AKAP11: variants seen among roughly 807,000 people sequenced by gnomAD.
AKAP11 encodes A-kinase anchoring protein 11.
In AKAP11, 36 loss-of-function variants were observed where a neutral mutation model predicts 146.1. The observed-to-expected ratio is 0.25, with a 90% CI of 0.19 to 0.33. The LOEUF is 0.33. Among genes scored for constraint, AKAP11 ranks in the 10% least tolerant of loss-of-function variants. The probability of loss-of-function intolerance (pLI) is 1.00; values close to 1 mark genes in which losing one functional copy is unlikely to be tolerated. For synonymous variants in AKAP11, 780 were observed against 786.5 expected, an observed-to-expected ratio of 0.99 and a Z score of 0.14; for missense variants, 2,201 against 2,197.0, an observed-to-expected ratio of 1.00 and a Z score of -0.04.
At chr13:42,288,627 C>T (rs1959183487) in intron 3 of AKAP11, among the ~76,000 whole-genome samples, 1 of 152,190 alleles carries the variant, frequency 6.6e-6, no homozygotes, top group Admixed American at 6.5e-5. Context: ...TTTTATAGTT[C>T]ACTCTGCCCC....
At position 42,301,131 on chromosome 13, in the gene AKAP11, A is replaced by C; in HGVS notation, c.2385A>C (p.Ser795=). The C allele has an allele frequency of 6.2e-7, 1 of 1,614,070 alleles. No individual in the cohort carries two copies. Among genetic ancestry groups the C allele is most frequent in the Non-Finnish European group, 8.5e-7 (1 of 1,179,952 alleles). ...AGSALLPYHI[S]STACQAKAHL... is the part of the protein sequence containing the mutation. Reference sequence around the variant, plus strand: ...GTGCCCTTCTCCCATATCATATTTCATCTACTGCATGTCAGGCCAAGGCTC... The same window carrying C: ...GTGCCCTTCTCCCATATCATATTTCCTCTACTGCATGTCAGGCCAAGGCTC... The change falls in exon 8 of 13, where the codon TCA becomes TCC. Residue 795 remains serine (S), a synonymous_variant. Coordinates refer to ENST00000025301, the MANE Select transcript of AKAP11 (RefSeq NM_016248.4).
intron 1 of AKAP11, among the ~76,000 whole-genome samples, chr13:42,275,010 C>CT (rs1051659106): frequency 2.4e-4 from 36 of 152,268 alleles, no homozygotes; most frequent in African/African-American, 8.4e-4. Flanking sequence ...TTTGAGGATT[C>CT]TTTGATTGCA....
intron 1 of AKAP11, among the ~76,000 whole-genome samples, chr13:42,279,214 A>AAT (rs1366691639): frequency 1.2e-5 from 1 of 80,558 alleles, no homozygotes. Context: ...TTTGTCTTCA[A>AAT]ATTTTTTTTT....
chr13:42,312,264 G>A (rs923119366), intron 9 of AKAP11, among the ~76,000 whole-genome samples: 7 of 152,046 alleles, frequency 4.6e-5, no homozygotes, highest in African/African-American at 1.7e-4. Flanking sequence ...TTCTGAACAT[G>A]GTTGCTTTTT....
intron 7 of AKAP11, among the ~76,000 whole-genome samples, 194 bp downstream of exon 7, chr13:42,298,991 C>G (rs879435039): frequency 2.6e-5 from 4 of 151,980 alleles, no homozygotes; most frequent in Non-Finnish European, 4.4e-5. Flanking sequence ...TTCAGTTTTG[C>G]TTATTTCAGG....
intron 1 of AKAP11, among the ~76,000 whole-genome samples, chr13:42,277,766 G>A: frequency 6.6e-6 from 1 of 152,144 alleles, no homozygotes; most frequent in African/African-American, 2.4e-5. Context: ...TTATGAGTAA[G>A]GCCTTTGGGG....
chr13:42,294,283 A>G (rs1338382444), intron 4 of AKAP11, among the ~76,000 whole-genome samples: 2 of 152,186 alleles, frequency 1.3e-5, no homozygotes, highest in Non-Finnish European at 2.9e-5. Context: ...TGCTTAGTGG[A>G]CAGTTTACTA....
rs764042048 is a variant in AKAP11, at chr13:42,308,587, A to G, written c.5251A>G (p.Ser1751Gly). The change falls in exon 9 of 13, where the codon AGT (serine) becomes GGT (glycine). Residue 1751 changes from serine (S) to glycine (G), a missense_variant. Ser to Gly is a moderately conservative substitution (Grantham distance 56, BLOSUM62 0). Transcript: ENST00000025301. ...AGATGAACACCAAGATGAAAGCAGC[A>G]GTTTTCATCATCTAAGTGAAAGGTA... ...FEDEHQDESS[S>G]FHHLSESNGN... 7.4e-6 allele frequency: 12 copies of G among 1,612,494 alleles called. No individual in the cohort carries two copies. In the African/African-American group the frequency reaches 1.3e-4, roughly 18 times the overall value.
chr13:42,315,281 C>T (rs1229676842), intron 11 of AKAP11, among the ~76,000 whole-genome samples: 4 of 152,146 alleles, frequency 2.6e-5, no homozygotes, highest in Admixed American at 2.0e-4. Context: ...TGTAAGTAGA[C>T]ATTCTTTATA....
At chr13:42,318,131 G>A (rs1014041427) in intron 12 of AKAP11, among the ~76,000 whole-genome samples, 1 of 152,142 alleles carries the variant, frequency 6.6e-6, no homozygotes, top group Non-Finnish European at 1.5e-5. Context: ...TCATTTGTAT[G>A]AGCAGCTGTC....
At chr13:42,283,877 G>A (rs972049296) in intron 1 of AKAP11, among the ~76,000 whole-genome samples, 4 of 152,134 alleles carry the variant, frequency 2.6e-5, no homozygotes, top group African/African-American at 4.8e-5. Context: ...CTGCCATGGC[G>A]TCATTGTGGG....
intron 5 of AKAP11, among the ~76,000 whole-genome samples, chr13:42,296,014 AT>A: frequency 6.6e-6 from 1 of 152,220 alleles, no homozygotes; most frequent in Non-Finnish European, 1.5e-5. Flanking sequence ...CAATGCAAAA[AT>A]TTAGCCTGTT....
chr13:42,286,454 T>C, intron 3 of AKAP11, 55 bp downstream of exon 3: 1 of 1,405,482 alleles, frequency 7.1e-7, no homozygotes, highest in South Asian at 1.3e-5. Context: ...AAATGTTGAT[T>C]TTTTTTTAAG....
At chr13:42,315,815 A>T (rs1366489402) in intron 11 of AKAP11, among the ~76,000 whole-genome samples, 1 of 152,238 alleles carries the variant, frequency 6.6e-6, no homozygotes, top group Non-Finnish European at 1.5e-5. Context: ...GGATTTATAG[A>T]AAGATTCAAA....
intron 3 of AKAP11, among the ~76,000 whole-genome samples, chr13:42,291,696 G>A (rs901321562): frequency 3.9e-5 from 6 of 152,214 alleles, no homozygotes; most frequent in African/African-American, 9.6e-5. Context: ...AGACTGGGAA[G>A]TAAGGACATT....
At chr13:42,282,480 G>A (rs1414401418) in intron 1 of AKAP11, among the ~76,000 whole-genome samples, 2 of 151,774 alleles carry the variant, frequency 1.3e-5, no homozygotes, top group African/African-American at 4.8e-5. Flanking sequence ...TGTGAATTTT[G>A]TGCAAGTATA....
In AKAP11 at chr13:42,319,996, CTGT is replaced by C. The variant is rs1202058640; in HGVS notation, c.*770_*772del. On this transcript the variant is annotated 3_prime_UTR_variant, in exon 13 of 13. Transcript: ENST00000025301. ...CCAGTTTGTTCCCTCTTTTATTTTA[CTGT>C]TTTCTTTTTAGAAACCCACTGTTAA... 2.1e-5 allele frequency: 3 copies of C among 145,074 alleles called. No homozygotes were observed. In the Admixed American group the frequency reaches 2.2e-4, roughly 10 times the overall value. The allele number at this position is 145,074 out of a possible 1,614,324, so 9.0% of individuals were successfully genotyped here.
Position 42,290,512 on chromosome 13 carries a change from A to G in AKAP11, c.52-1873A>G, listed in dbSNP as rs541281014. On this transcript the variant is annotated intron_variant, in intron 3 of 12. Transcript: ENST00000025301. ...TTTTAACCCAGTAGATTTAGGATAC[A>G]TGGATAATCCTTTCCTAAATCAGTA... is the stretch of plus-strand genomic sequence containing the variant. 6.6e-5 allele frequency among the ~76,000 whole-genome samples: 10 copies of G among 152,364 alleles called. No homozygotes were observed. The South Asian group carries it at 1.0e-3, about 16-fold the overall frequency.
intron 6 of AKAP11, 30 bp downstream of exon 6, chr13:42,297,212 T>G (rs774160030): frequency 7.2e-7 from 1 of 1,383,980 alleles, no homozygotes; most frequent in Non-Finnish European, 9.6e-7. Flanking sequence ...TCTAATGAGA[T>G]TTTTAGGGCA....
Sources: allele counts gnomAD v4.1 joint callset (sites outside exome capture counted in the v4.1 genomes callset), GRCh38; gene constraint gnomAD v4.1.1; transcripts MANE v1.5; gene names NCBI Gene and HGNC (gene_info 2026-07-23, HGNC 2026-07-21).